DPP6: variants seen among roughly 807,000 people sequenced by gnomAD.
DPP6 encodes the protein A-type potassium channel modulatory protein DPP6.
In DPP6, 69 loss-of-function variants were observed where a neutral mutation model predicts 122.6. The ratio of observed to expected loss-of-function variants is 0.56; its 90% CI spans 0.46 to 0.69. The LOEUF is 0.69. Among genes scored for constraint, DPP6 ranks in the 30% least tolerant of loss-of-function variants. The pLI is 0.00. For synonymous variants in DPP6, 418 were observed against 433.1 expected (o/e 0.97, Z 0.43); for missense variants, 928 against 1,116.9 (o/e 0.83, Z 2.41).
chr7:154,880,946 A>C lies in DPP6; in HGVS notation c.2133+4A>C, dbSNP rs1315500284. The C allele has an allele frequency of 5.0e-6, 8 of 1,613,746 alleles. No homozygotes were observed. Among genetic ancestry groups the C allele is most frequent in the Non-Finnish European group, 6.8e-6 (8 of 1,179,852 alleles). ...GCGCGTGGCCGTGTTTGGGAAGGTG[A>C]GTCTGCGCCACCCTGGTCTGAAAAC... is the stretch of plus-strand genomic sequence containing the variant. On this transcript the variant is annotated splice_donor_region_variant and intron_variant, in intron 21 of 25. Transcript: ENST00000377770.
chr7:153,958,812 G>T (rs1310553976), intron 1 of DPP6, among the ~76,000 whole-genome samples: 12 of 151,512 alleles, frequency 7.9e-5, no homozygotes, highest in Admixed American at 7.9e-4. Flanking sequence ...GGTGTGTAGA[G>T]AGAGGCCTTC....
At chr7:154,438,843 A>G (rs950670885) in intron 1 of DPP6, among the ~76,000 whole-genome samples, 2 of 152,138 alleles carry the variant, frequency 1.3e-5, no homozygotes, top group African/African-American at 4.8e-5. Flanking sequence ...ATCTCACACC[A>G]CAAATCCTGG....
chr7:154,804,032 T>G (rs527267569), intron 14 of DPP6, 77 bp downstream of exon 14: 20 of 1,546,690 alleles, frequency 1.3e-5, no homozygotes, highest in Non-Finnish European at 1.7e-5. Context: ...ATTACACTTA[T>G]GGAGTACAGG....
At chr7:153,858,538 TCACA>T in the DPP6 span, among the ~76,000 whole-genome samples, 1 of 152,154 alleles carries the variant, frequency 6.6e-6, no homozygotes, top group Non-Finnish European at 1.5e-5. Flanking sequence ...ATTCCCTAGA[TCACA>T]CACAAGGCTG....
chr7:154,865,133 AC>A (rs1164780180), intron 17 of DPP6, among the ~76,000 whole-genome samples: 1 of 151,934 alleles, frequency 6.6e-6, no homozygotes, highest in South Asian at 2.1e-4. Context: ...CCACTAGCAG[AC>A]CCCCCCAGCT....
At chr7:154,305,872 C>T (rs973581645) in intron 1 of DPP6, among the ~76,000 whole-genome samples, 1 of 152,080 alleles carries the variant, frequency 6.6e-6, no homozygotes, top group Non-Finnish European at 1.5e-5. Context: ...GGACAAAGGC[C>T]TCTCTCTACA....
chr7:153,917,786 A>G (rs776291427), intron 1 of DPP6, among the ~76,000 whole-genome samples: 27 of 152,170 alleles, frequency 1.8e-4, no homozygotes, highest in Non-Finnish European at 3.2e-4. Flanking sequence ...TCGTATTTCC[A>G]TTATTTCAAA....
chr7:154,704,578 C>T (rs1426041556), intron 7 of DPP6, among the ~76,000 whole-genome samples: 2 of 152,212 alleles, frequency 1.3e-5, no homozygotes, highest in East Asian at 3.8e-4. Flanking sequence ...GTTATCCCAA[C>T]CTTCAGCAAC....
intron 1 of DPP6, among the ~76,000 whole-genome samples, chr7:154,368,324 C>T (rs553856580): frequency 3.9e-5 from 6 of 152,142 alleles, no homozygotes; most frequent in Admixed American, 3.3e-4. Context: ...GTGTGCTCCC[C>T]GGGGCAGCAG....
rs1382824062 is a variant in DPP6 at position 154,659,535 on chromosome 7, A to G, written c.681-9825A>G. 2.0e-5 allele frequency among the ~76,000 whole-genome samples: 3 copies of G among 152,268 alleles called. No homozygotes were observed. The South Asian group carries it at 6.2e-4, about 31-fold the overall frequency. On this transcript the variant is annotated intron_variant, in intron 6 of 25. Transcript: ENST00000377770. ...AGCTCTGTGCTATCTATTTTCACAT[A>G]CAATAGATTATTGCGTCCAACCCTA...
chr7:154,075,109 A>G (rs1803464210), intron 1 of DPP6, among the ~76,000 whole-genome samples: 1 of 152,186 alleles, frequency 6.6e-6, no homozygotes, highest in Non-Finnish European at 1.5e-5. Flanking sequence ...ATGCAATACC[A>G]CCTTCCTCCT....
intron 1 of DPP6, among the ~76,000 whole-genome samples, chr7:154,342,576 C>T (rs2337886): frequency 0.11 from 17,017 of 152,088 alleles, 1,390 homozygotes; most frequent in African/African-American, 0.22. Flanking sequence ...AGATTCATCA[C>T]CTTAAGGATA....
chr7:153,944,114 G>A (rs1384146945), intron 1 of DPP6, among the ~76,000 whole-genome samples: 1 of 152,176 alleles, frequency 6.6e-6, no homozygotes, highest in Non-Finnish European at 1.5e-5. Context: ...TCAATTGAAG[G>A]AAGATTGCAT....
intron 1 of DPP6, among the ~76,000 whole-genome samples, chr7:154,341,725 T>G (rs982081010): frequency 1.3e-5 from 2 of 152,048 alleles, no homozygotes; most frequent in Non-Finnish European, 2.9e-5. Context: ...TGTTTCACTT[T>G]TCTCCTTGAT....
intron 4 of DPP6, among the ~76,000 whole-genome samples, chr7:154,566,255 C>T (rs916151112): frequency 2.0e-5 from 3 of 151,928 alleles, no homozygotes; most frequent in African/African-American, 4.8e-5. Context: ...TGCTTTTTAA[C>T]GCTTATTTCT....
At chr7:154,474,036 G>C (rs1391734847) in intron 2 of DPP6, among the ~76,000 whole-genome samples, 1 of 152,198 alleles carries the variant, frequency 6.6e-6, no homozygotes, top group African/African-American at 2.4e-5. Flanking sequence ...ATCAGATGTG[G>C]TCAAGTCAAT....
intron 1 of DPP6, among the ~76,000 whole-genome samples, chr7:154,146,804 G>A (rs1180317336): frequency 6.6e-6 from 1 of 152,132 alleles, no homozygotes; most frequent in Non-Finnish European, 1.5e-5. Context: ...GGTGGAGGGA[G>A]CAAGCCGCGC....
chr7:154,208,949 A>G (rs1451035913), intron 1 of DPP6, among the ~76,000 whole-genome samples: 1 of 152,214 alleles, frequency 6.6e-6, no homozygotes, highest in Non-Finnish European at 1.5e-5. Context: ...AATATCAAAG[A>G]AACACATGCA....
chr7:154,401,876 A>G (rs1227331930), intron 1 of DPP6, among the ~76,000 whole-genome samples: 1 of 152,212 alleles, frequency 6.6e-6, no homozygotes, highest in Non-Finnish European at 1.5e-5. Context: ...TCCAGAATCT[A>G]CAATGAACTC....
Sources: allele counts gnomAD v4.1 joint callset (sites outside exome capture counted in the v4.1 genomes callset), GRCh38; gene constraint gnomAD v4.1.1; transcripts MANE v1.5; gene names NCBI Gene and HGNC (gene_info 2026-07-23, HGNC 2026-07-21).